GMDS: variants seen among roughly 807,000 people sequenced by gnomAD.
The protein encoded by GMDS is GDP-mannose 4,6-dehydratase, also known as GDP-mannose 4,6 dehydratase.
In GMDS, 20 loss-of-function variants were observed where a neutral mutation model predicts 49.9. That is an observed-to-expected ratio of 0.40 (90% confidence interval 0.28 to 0.58). The LOEUF (loss-of-function observed/expected upper bound fraction) is 0.58. Among genes scored for constraint, GMDS ranks in the 20% least tolerant of loss-of-function variants. GMDS has a pLI of 0.42. For missense variants in GMDS, 362 were observed against 481.4 expected (o/e 0.75, Z 2.32); for synonymous variants, 177 against 178.6 (o/e 0.99, Z 0.07).
chr6:1,990,450 A>G (rs911699343), intron 4 of GMDS, among the ~76,000 whole-genome samples: 4 of 152,192 alleles, frequency 2.6e-5, no homozygotes, highest in Admixed American at 2.6e-4. Context: ...TTCTGCTCAG[A>G]TGTTGTCTCC....
At chr6:2,242,773 A>T (rs764933058) in intron 1 of GMDS, among the ~76,000 whole-genome samples, 3 of 152,218 alleles carry the variant, frequency 2.0e-5, no homozygotes, top group Non-Finnish European at 4.4e-5. Flanking sequence ...TTAGCCAGGG[A>T]TAAATGGGGA....
At chr6:2,088,107 TAA>T (rs112964788) in intron 4 of GMDS, among the ~76,000 whole-genome samples, 5 of 142,236 alleles carry the variant, frequency 3.5e-5, no homozygotes, top group African/African-American at 1.0e-4. Context: ...ATGTAGAAAG[TAA>T]AAAAAAAAAA....
At chr6:2,123,817 A>C (rs1398988091) in intron 2 of GMDS, among the ~76,000 whole-genome samples, 1 of 152,234 alleles carries the variant, frequency 6.6e-6, no homozygotes, top group East Asian at 1.9e-4. Context: ...TACTTCTTCA[A>C]GTCTAAAAGT....
At chr6:1,940,209 A>G (rs1762757611) in intron 6 of GMDS, among the ~76,000 whole-genome samples, 1 of 152,270 alleles carries the variant, frequency 6.6e-6, no homozygotes, top group Admixed American at 6.5e-5. Flanking sequence ...ATATCTAAAC[A>G]TTATCCATCC....
At chr6:2,013,446 T>C (rs565228018) in intron 4 of GMDS, among the ~76,000 whole-genome samples, 7 of 151,994 alleles carry the variant, frequency 4.6e-5, no homozygotes, top group Non-Finnish European at 1.0e-4. Context: ...AAGCACCATC[T>C]AAAAAAACAA....
chr6:1,778,043 A>T lies in GMDS; in HGVS notation c.772-35457T>A, dbSNP rs1428250461. On this transcript the variant is annotated intron_variant, in intron 7 of 10. Transcript: ENST00000380815. This position sits in a 1 kb window ranked among gnomAD's most constrained non-coding sequence, Gnocchi z 4.6. ...AAGAGGGCCACAAAGAAGCATTTGT[A>T]AGCTCAGGGGTGCACGCATTAAAAA... Among the ~76,000 whole-genome samples the T allele has an allele frequency of 6.6e-6, 1 of 152,226 alleles. No homozygotes were observed. Among genetic ancestry groups the T allele is most frequent in the African/African-American group, 2.4e-5 (1 of 41,450 alleles).
chr6:2,221,527 T>C (rs1780588427), intron 1 of GMDS, among the ~76,000 whole-genome samples: 1 of 152,156 alleles, frequency 6.6e-6, no homozygotes, highest in African/African-American at 2.4e-5. Flanking sequence ...TAGCTGGGAC[T>C]ACAGGCACCC....
At chr6:2,100,794 G>C (rs186228693) in intron 4 of GMDS, among the ~76,000 whole-genome samples, 61 of 151,910 alleles carry the variant, frequency 4.0e-4, no homozygotes, top group African/African-American at 1.4e-3. Flanking sequence ...ACTTACAGTG[G>C]AAAAAATAAA....
At chr6:2,136,697 G>T (rs1053781172) in intron 1 of GMDS, among the ~76,000 whole-genome samples, 2 of 152,122 alleles carry the variant, frequency 1.3e-5, no homozygotes, top group Admixed American at 1.3e-4. Flanking sequence ...CTCAACCTGG[G>T]TGACAGAATG....
intron 1 of GMDS, among the ~76,000 whole-genome samples, chr6:2,202,809 C>A (rs1038226721): frequency 6.6e-6 from 1 of 152,080 alleles, no homozygotes; most frequent in South Asian, 2.1e-4. Context: ...TGGTTCTGGA[C>A]CACAGTGGAG....
chr6:2,200,805 C>A (rs896897360), intron 1 of GMDS, among the ~76,000 whole-genome samples: 1 of 145,476 alleles, frequency 6.9e-6, no homozygotes, highest in Middle Eastern at 3.6e-3. Flanking sequence ...GAAGACAGAG[C>A]ACCAAATGGG....
intron 1 of GMDS, among the ~76,000 whole-genome samples, chr6:2,128,176 CT>C (rs142248059): frequency 0.11 from 15,332 of 139,558 alleles, 2,525 homozygotes; most frequent in African/African-American, 0.37. Flanking sequence ...AAATATTTTC[CT>C]TTTTTTTTTT....
intron 6 of GMDS, among the ~76,000 whole-genome samples, chr6:1,937,353 T>C (rs1346015655): frequency 6.6e-6 from 1 of 152,242 alleles, no homozygotes; most frequent in East Asian, 1.9e-4. Context: ...TAGCAGACAC[T>C]GAACTTTCTT....
chr6:1,878,314 C>CA (rs11463549), intron 7 of GMDS, among the ~76,000 whole-genome samples: 23,527 of 72,180 alleles, frequency 0.33, 3,504 homozygotes, highest in Middle Eastern at 0.38. Context: ...GAATCCATCT[C>CA]AAAAAAAAAA....
chr6:2,194,423 T>C (rs1282570609), intron 1 of GMDS, among the ~76,000 whole-genome samples: 1 of 152,198 alleles, frequency 6.6e-6, no homozygotes, highest in Non-Finnish European at 1.5e-5. Context: ...GGAATATATT[T>C]TAAACATACA....
chr6:2,163,013 CTCTCATTT>C (rs1777482829), intron 1 of GMDS, among the ~76,000 whole-genome samples: 1 of 152,180 alleles, frequency 6.6e-6, no homozygotes, highest in Non-Finnish European at 1.5e-5. Flanking sequence ...CTAGACAGCT[CTCTCATTT>C]TCTCATTGAT....
chr6:1,920,409 A>G (rs1265738066), intron 7 of GMDS, among the ~76,000 whole-genome samples: 1 of 152,260 alleles, frequency 6.6e-6, no homozygotes, highest in African/African-American at 2.4e-5. Flanking sequence ...TTTAGCATGC[A>G]TTCAAAAACA....
chr6:2,097,436 T>C (rs1305060552), intron 4 of GMDS, among the ~76,000 whole-genome samples: 1 of 152,062 alleles, frequency 6.6e-6, no homozygotes, highest in Non-Finnish European at 1.5e-5. Flanking sequence ...AAGTAGAAAA[T>C]GGACAGCTAA....
intron 7 of GMDS, among the ~76,000 whole-genome samples, chr6:1,856,715 G>A (rs929022470): frequency 6.6e-6 from 1 of 152,222 alleles, no homozygotes; most frequent in African/African-American, 2.4e-5. Flanking sequence ...CCAGCAGCTA[G>A]CTTAGAAGTG....
Sources: allele counts gnomAD v4.1 joint callset (sites outside exome capture counted in the v4.1 genomes callset), GRCh38; gene constraint gnomAD v4.1.1; non-coding constraint Gnocchi (gnomAD v3.1); transcripts MANE v1.5; gene names NCBI Gene and HGNC (gene_info 2026-07-23, HGNC 2026-07-21).